The following PRKAG2 variants were observed in gnomAD, a reference collection of about 807,000 sequenced individuals.
PRKAG2 encodes 5'-AMP-activated protein kinase subunit gamma-2.
A neutral mutation model predicts 69.6 loss-of-function variants in PRKAG2; 26 were observed. The observed-to-expected ratio is 0.37, with a 90% CI of 0.27 to 0.52. The LOEUF is 0.52. Ranked by LOEUF, PRKAG2 falls within the 20% of genes least tolerant of loss-of-function variation. The pLI is 0.90. For missense variants in PRKAG2, 557 were observed against 740.0 expected, an observed-to-expected ratio of 0.75 and a Z score of 2.87; for synonymous variants, 293 against 285.0, an observed-to-expected ratio of 1.03 and a Z score of -0.28.
chr7:151,782,469 TGA>T (rs1439295814), intron 2 of PRKAG2, among the ~76,000 whole-genome samples: 2 of 152,120 alleles, frequency 1.3e-5, no homozygotes, highest in East Asian at 3.9e-4. Context: ...CCCAAACCTC[TGA>T]GACTCACTTC....
At chr7:151,604,157 G>C (rs1308446708) in intron 5 of PRKAG2, among the ~76,000 whole-genome samples, 1 of 152,174 alleles carries the variant, frequency 6.6e-6, no homozygotes, top group African/African-American at 2.4e-5. Context: ...CTGGGGAGCT[G>C]TGGGAGTGTG....
intron 3 of PRKAG2, among the ~76,000 whole-genome samples, chr7:151,697,166 G>A (rs1009404859): frequency 7.2e-5 from 11 of 152,206 alleles, no homozygotes; most frequent in African/African-American, 2.4e-4. Flanking sequence ...ATAACTGGCA[G>A]AGGAAGAGCA....
rs1288818747 is a variant in PRKAG2, at chr7:151,699,231, T to C, written c.467-23594A>G. On this transcript the variant is annotated intron_variant, in intron 3 of 15. Transcript: ENST00000287878. This position sits in a 1 kb window ranked among gnomAD's most constrained non-coding sequence, Gnocchi z 4.5. ...TAAACTGCACTGTAGTTGGAGACTC[T>C]TGAGAAACCGAATGAACAATATTTC... is the stretch of plus-strand genomic sequence containing the variant. 1.3e-5 allele frequency among the ~76,000 whole-genome samples: 2 copies of C among 152,220 alleles called. No individual in the cohort carries two copies. The highest frequency in any genetic ancestry group is 2.9e-5 in the Non-Finnish European group (2 of 68,036).
At chr7:151,589,341 G>A (rs761714266) in intron 6 of PRKAG2, among the ~76,000 whole-genome samples, 38 of 152,202 alleles carry the variant, frequency 2.5e-4, no homozygotes, top group Admixed American at 5.9e-4. Context: ...TCTCCTCCAC[G>A]ACACTGTGGA....
At chr7:151,849,394 A>C (rs912393467) in intron 1 of PRKAG2, among the ~76,000 whole-genome samples, 2 of 152,174 alleles carry the variant, frequency 1.3e-5, no homozygotes, top group African/African-American at 2.4e-5. Context: ...TTAGTCAAGA[A>C]TCTCCGTGCC....
At chr7:151,786,399 G>A (rs775073664) in intron 2 of PRKAG2, 71 bp downstream of exon 2, 109 of 1,419,230 alleles carry the variant, frequency 7.7e-5, no homozygotes, top group Non-Finnish European at 9.7e-5. Context: ...AGGTGGAAGT[G>A]GGCTCAGGCT....
intron 5 of PRKAG2, among the ~76,000 whole-genome samples, chr7:151,604,494 C>T (rs973543228): frequency 1.3e-5 from 2 of 152,048 alleles, no homozygotes; most frequent in African/African-American, 4.8e-5. Flanking sequence ...AAAAATTAGC[C>T]AGGTGTGGTG....
At chr7:151,811,100 C>T (rs773671031) in intron 1 of PRKAG2, among the ~76,000 whole-genome samples, 1 of 152,208 alleles carries the variant, frequency 6.6e-6, no homozygotes, top group Non-Finnish European at 1.5e-5. Context: ...GAACCCACAG[C>T]CCTCTCGCCT....
intron 3 of PRKAG2, among the ~76,000 whole-genome samples, chr7:151,742,161 C>T (rs897904470): frequency 3.9e-5 from 6 of 152,198 alleles, no homozygotes; most frequent in Admixed American, 2.0e-4. Flanking sequence ...ATCCTTCCAC[C>T]ATACCATACT....
At chr7:151,656,416 C>A (rs1280403581) in intron 4 of PRKAG2, among the ~76,000 whole-genome samples, 1 of 152,030 alleles carries the variant, frequency 6.6e-6, no homozygotes, top group Non-Finnish European at 1.5e-5. Context: ...ATTAGCTGCA[C>A]ATGGTGGTGT....
rs949915909 is a variant in PRKAG2 at position 151,632,784 on chromosome 7, T to A, written c.685-646A>T. 2 of 165,200 alleles carry A rather than the reference T, an allele frequency of 1.2e-5. No individual in the cohort carries two copies. The highest frequency in any genetic ancestry group is 2.4e-5 in the African/African-American group (1 of 41,512). 10.2% of individuals were successfully genotyped at this position (165,200 alleles called of 1,614,324 possible). ...AAATCGTTCCGTGGGCTACACGTAT[T>A]GTAGATGCACTTTGTCGCTATCCAT... On this transcript the variant is annotated intron_variant, in intron 4 of 15. Transcript: ENST00000287878. This position sits in a 1 kb window ranked among gnomAD's most constrained non-coding sequence, Gnocchi z 4.2.
At chr7:151,681,295 C>G (rs556274630) in intron 3 of PRKAG2, among the ~76,000 whole-genome samples, 1 of 152,226 alleles carries the variant, frequency 6.6e-6, no homozygotes, top group African/African-American at 2.4e-5. Context: ...TCATTGCCAT[C>G]TTTCCAAGTT....
At chr7:151,767,012 G>A (rs2075768577) in intron 3 of PRKAG2, among the ~76,000 whole-genome samples, 2 of 152,288 alleles carry the variant, frequency 1.3e-5, no homozygotes, top group South Asian at 4.1e-4. Flanking sequence ...CTGAGATGAG[G>A]GTTATACTGG....
At chr7:151,783,912 C>CA (rs536105914) in intron 2 of PRKAG2, among the ~76,000 whole-genome samples, 2,759 of 28,800 alleles carry the variant, frequency 0.096, 322 homozygotes, top group Non-Finnish European at 0.13. Flanking sequence ...GACCCTGTCT[C>CA]AAAAAAAAAA....
At chr7:151,665,563 CT>C (rs1281146650) in intron 4 of PRKAG2, among the ~76,000 whole-genome samples, 1 of 152,206 alleles carries the variant, frequency 6.6e-6, no homozygotes, top group Non-Finnish European at 1.5e-5. Flanking sequence ...ACAGGCAGCA[CT>C]TGTCTAAGCG....
rs1000412062 is a variant in PRKAG2, at chr7:151,725,957, G to A, written c.467-50320C>T. ...GTGATCTATTTTTAGTGTAGAGGCT[G>A]GTATAAGGAGTTGCTATAGCGACAG... On this transcript the variant is annotated intron_variant, in intron 3 of 15. Transcript: ENST00000287878. Among the ~76,000 whole-genome samples, 28 of 152,172 alleles carry A rather than the reference G, an allele frequency of 1.8e-4. 1 individual carries two copies. The highest frequency in any genetic ancestry group is 1.3e-3 in the South Asian group (6 of 4,796).
intron 1 of PRKAG2, among the ~76,000 whole-genome samples, chr7:151,831,549 A>G (rs796674914): frequency 7.9e-5 from 12 of 152,360 alleles, no homozygotes; most frequent in African/African-American, 2.9e-4. Context: ...GTTTCTGGTC[A>G]TCACACCTTA....
chr7:151,599,254 G>A (rs1815399719), intron 5 of PRKAG2, among the ~76,000 whole-genome samples: 1 of 152,070 alleles, frequency 6.6e-6, no homozygotes, highest in Admixed American at 6.6e-5. Context: ...GGAAATCTAG[G>A]AGTCACCCTT....
intron 1 of PRKAG2, among the ~76,000 whole-genome samples, chr7:151,801,249 G>T (rs2077820354): frequency 6.6e-6 from 1 of 152,204 alleles, no homozygotes; most frequent in Non-Finnish European, 1.5e-5. Flanking sequence ...CCCAGGCTCA[G>T]GGTCAGAAGA....
Sources: allele counts gnomAD v4.1 joint callset (sites outside exome capture counted in the v4.1 genomes callset), GRCh38; gene constraint gnomAD v4.1.1; non-coding constraint Gnocchi (gnomAD v3.1); transcripts MANE v1.5; gene names NCBI Gene and HGNC (gene_info 2026-07-23, HGNC 2026-07-21).